PBX3: variants seen among roughly 807,000 people sequenced by gnomAD.
The protein encoded by PBX3 is PBX homeobox 3.
A neutral mutation model predicts 48.5 loss-of-function variants in PBX3; 14 were observed. The observed-to-expected ratio is 0.29, with a 90% CI of 0.19 to 0.45. PBX3 has a LOEUF of 0.45. PBX3 is among the 20% of genes least tolerant of loss of function. The pLI is 1.00. For synonymous variants in PBX3, 210 were observed against 200.3 expected (o/e 1.05, Z -0.41); for missense variants, 386 against 546.7 (o/e 0.71, Z 2.93).
At chr9:125,900,796 A>T (rs1840927481) in intron 2 of PBX3, among the ~76,000 whole-genome samples, 1 of 151,806 alleles carries the variant, frequency 6.6e-6, no homozygotes, top group Non-Finnish European at 1.5e-5. Context: ...AATTTATTTT[A>T]TCAGATAACT....
intron 2 of PBX3, among the ~76,000 whole-genome samples, chr9:125,887,019 A>C (rs537189538): frequency 6.6e-6 from 1 of 152,142 alleles, no homozygotes; most frequent in Non-Finnish European, 1.5e-5. Flanking sequence ...TTGGAAAAAT[A>C]CTATTCTACT....
chr9:125,772,524 T>C (rs1173066764), intron 2 of PBX3, among the ~76,000 whole-genome samples: 1 of 152,244 alleles, frequency 6.6e-6, no homozygotes, highest in East Asian at 1.9e-4. Flanking sequence ...ATACTGATTT[T>C]GGAAATTAAT....
chr9:125,751,163 A>G (rs986727870), intron 2 of PBX3, among the ~76,000 whole-genome samples: 1 of 152,236 alleles, frequency 6.6e-6, no homozygotes, highest in African/African-American at 2.4e-5. Flanking sequence ...TGTAATTTAG[A>G]GAAAGTTTAC....
At chr9:125,933,520 T>C (rs1415438924) in intron 4 of PBX3, among the ~76,000 whole-genome samples, 3 of 152,180 alleles carry the variant, frequency 2.0e-5, no homozygotes, top group African/African-American at 4.8e-5. Flanking sequence ...ACGTCGCTAT[T>C]TCCCAAAGAA....
Position 125,915,709 on chromosome 9 carries a change from G to A in PBX3, c.298G>A (p.Glu100Lys). Residue 100 changes from glutamate (E) to lysine (K), a missense_variant, in exon 3 of 9, where the codon GAG becomes AAG. Physicochemically the swap from Glu to Lys is moderately conservative, Grantham distance 56 (BLOSUM62 1). Transcript: ENST00000373489. ...AGGTCTCAGCATCAGAGGAGCCCAG[G>A]AGGAGGACCCTCCCGATCCCCAGCT... ...KTGLSIRGAQ[E>K]EDPPDPQLMR... 6.2e-7 allele frequency: 1 copy of A among 1,612,706 alleles called. No homozygotes were observed. The highest frequency in any genetic ancestry group is 8.5e-7 in the Non-Finnish European group (1 of 1,179,148).
intron 2 of PBX3, among the ~76,000 whole-genome samples, chr9:125,888,933 G>T (rs116875378): frequency 0.02 from 3,036 of 152,192 alleles, 171 homozygotes; most frequent in East Asian, 0.17. Context: ...ATGATTATGA[G>T]TATGAAGTGA....
intron 2 of PBX3, among the ~76,000 whole-genome samples, chr9:125,844,102 T>C (rs1588210751): frequency 6.6e-6 from 1 of 152,240 alleles, no homozygotes; most frequent in South Asian, 2.1e-4. Context: ...AATTTCTACA[T>C]AAAAATATCT....
intron 2 of PBX3, among the ~76,000 whole-genome samples, chr9:125,761,930 A>G (rs150183480): frequency 9.1e-4 from 138 of 152,296 alleles, no homozygotes; most frequent in South Asian, 2.1e-3. Flanking sequence ...GTTTCAAGGA[A>G]GAGATTTTCT....
chr9:125,780,244 G>GC (rs1382199494), intron 2 of PBX3, among the ~76,000 whole-genome samples: 2 of 89,350 alleles, frequency 2.2e-5, no homozygotes, highest in African/African-American at 8.6e-5. Context: ...GGGGGGCTGA[G>GC]CCCCCCACCT....
At chr9:125,748,497 T>G in intron 1 of PBX3, 53 bp from the exon 2 acceptor site, 1 of 1,589,690 alleles carries the variant, frequency 6.3e-7, no homozygotes, top group Non-Finnish European at 8.6e-7. Flanking sequence ...GAAGGCGCCA[T>G]ATTATTCCAT....
chr9:125,879,637 C>A (rs1252874164), intron 2 of PBX3, among the ~76,000 whole-genome samples: 1 of 150,698 alleles, frequency 6.6e-6, no homozygotes, highest in Admixed American at 6.6e-5. Context: ...AGAATAAATG[C>A]CATATTTTGT....
At chr9:125,886,962 AT>A (rs1840517134) in intron 2 of PBX3, among the ~76,000 whole-genome samples, 1 of 152,006 alleles carries the variant, frequency 6.6e-6, no homozygotes, top group South Asian at 2.1e-4. Context: ...AAAGTTTTTA[AT>A]TTTTTTGGTG....
intron 2 of PBX3, among the ~76,000 whole-genome samples, chr9:125,879,997 A>G (rs1277405045): frequency 6.6e-6 from 1 of 152,210 alleles, no homozygotes; most frequent in Non-Finnish European, 1.5e-5. Context: ...ATAAAGAACT[A>G]TAAAAATGTA....
chr9:125,778,885 C>T (rs1203784084), intron 2 of PBX3, among the ~76,000 whole-genome samples: 1 of 135,932 alleles, frequency 7.4e-6, no homozygotes, highest in African/African-American at 2.8e-5. Flanking sequence ...AAAAATGGTT[C>T]TTTTTGTAGC....
chr9:125,959,738 G>A (rs1022706096), intron 5 of PBX3, among the ~76,000 whole-genome samples: 1 of 152,166 alleles, frequency 6.6e-6, no homozygotes, highest in Non-Finnish European at 1.5e-5. Context: ...CCCTTTGACA[G>A]GATTATTAAG....
chr9:125,785,838 C>T (rs922519120), intron 2 of PBX3, among the ~76,000 whole-genome samples: 1 of 152,166 alleles, frequency 6.6e-6, no homozygotes, highest in African/African-American at 2.4e-5. Flanking sequence ...AGTGGAAATT[C>T]AGGCGGCTGA....
At chr9:125,870,759 A>T (rs1380805698) in intron 2 of PBX3, among the ~76,000 whole-genome samples, 1 of 152,246 alleles carries the variant, frequency 6.6e-6, no homozygotes, top group Non-Finnish European at 1.5e-5. Flanking sequence ...AATCATTTTA[A>T]GGTTCATTTA....
chr9:125,769,480 A>G (rs1308136361), intron 2 of PBX3, among the ~76,000 whole-genome samples: 1 of 152,246 alleles, frequency 6.6e-6, no homozygotes, highest in Non-Finnish European at 1.5e-5. Flanking sequence ...CATCTGTAAT[A>G]TCTATACAGA....
chr9:125,774,779 A>G (rs1837027638), intron 2 of PBX3, among the ~76,000 whole-genome samples: 1 of 152,000 alleles, frequency 6.6e-6, no homozygotes, highest in African/African-American at 2.4e-5. Flanking sequence ...TAGAACTGCT[A>G]GATCATGTGT....
Sources: allele counts gnomAD v4.1 joint callset (sites outside exome capture counted in the v4.1 genomes callset), GRCh38; gene constraint gnomAD v4.1.1; transcripts MANE v1.5; gene names NCBI Gene and HGNC (gene_info 2026-07-23, HGNC 2026-07-21).